IL1RAPL1: variants seen among roughly 807,000 people sequenced by gnomAD.
IL1RAPL1 encodes the protein interleukin-1 receptor accessory protein-like 1.
In IL1RAPL1, 3 loss-of-function variants were observed where a neutral mutation model predicts 48.4. The observed-to-expected ratio is 0.06, with a 90% CI of 0.03 to 0.16. The LOEUF (loss-of-function observed/expected upper bound fraction) is 0.16, where lower values mean the gene tolerates loss of function less well. IL1RAPL1 is among the 10% of genes least tolerant of loss of function. The probability of loss-of-function intolerance (pLI) is 1.00; values close to 1 mark genes in which losing one functional copy is unlikely to be tolerated. For missense variants in IL1RAPL1, 349 were observed against 530.6 expected, an observed-to-expected ratio of 0.66 and a Z score of 3.36; for synonymous variants, 185 against 187.7, an observed-to-expected ratio of 0.99 and a Z score of 0.12.
intron 5 of IL1RAPL1, among the ~76,000 whole-genome samples, chrX:29,509,662 T>TGCACACACACGCATGCGCCCACAC (rs1935372708): frequency 1.8e-5 from 2 of 108,537 alleles, no homozygotes; most frequent in African/African-American, 7.1e-5. Context: ...TGCACACACA[T>TGCACACACACGCATGCGCCCACAC]GCACACACAC....
At chrX:29,200,166 A>G (rs1930526819) in intron 2 of IL1RAPL1, among the ~76,000 whole-genome samples, 1 of 110,574 alleles carries the variant, frequency 9.0e-6, no homozygotes, top group African/African-American at 3.3e-5. Context: ...AAAAAAATCC[A>G]ACAGTCAAAA....
chrX:29,578,990 CTT>C (rs1922870905), intron 5 of IL1RAPL1, among the ~76,000 whole-genome samples: 1 of 111,781 alleles, frequency 8.9e-6, no homozygotes, highest in Non-Finnish European at 1.9e-5. Flanking sequence ...CAGGGACACT[CTT>C]TATTTCAGGA....
chrX:29,170,390 A>G (rs377078746), intron 2 of IL1RAPL1, among the ~76,000 whole-genome samples: 37 of 112,010 alleles, frequency 3.3e-4, no homozygotes, highest in Admixed American at 1.5e-3. Flanking sequence ...ACAGAGAATG[A>G]ACATGTCTTT....
intron 5 of IL1RAPL1, among the ~76,000 whole-genome samples, chrX:29,534,584 C>G (rs892799257): frequency 5.4e-5 from 6 of 111,432 alleles, no homozygotes; most frequent in Admixed American, 1.9e-4. Context: ...CCTATAATCC[C>G]AGCACTTTGG....
chrX:28,739,273 A>T (rs1357840876), intron 1 of IL1RAPL1, among the ~76,000 whole-genome samples: 1 of 111,354 alleles, frequency 9.0e-6, no homozygotes, highest in Non-Finnish European at 1.9e-5. Flanking sequence ...TATATTTTCC[A>T]TCATTATCAT....
intron 5 of IL1RAPL1, among the ~76,000 whole-genome samples, chrX:29,436,339 T>C: frequency 9.1e-6 from 1 of 110,036 alleles, no homozygotes; most frequent in East Asian, 2.8e-4. Flanking sequence ...ATGAGCCTCT[T>C]TCTACCATTT....
intron 1 of IL1RAPL1, among the ~76,000 whole-genome samples, chrX:28,624,445 CCTCTT>C (rs899673810): frequency 1.3e-4 from 15 of 111,871 alleles, no homozygotes; most frequent in Non-Finnish European, 2.8e-4. Context: ...AATCTTCACT[CCTCTT>C]CTATCCAACT....
At chrX:28,956,553 C>CTG (rs1457140411) in intron 2 of IL1RAPL1, among the ~76,000 whole-genome samples, 1 of 104,143 alleles carries the variant, frequency 9.6e-6, no homozygotes, top group African/African-American at 3.5e-5. Flanking sequence ...TGTTTATATG[C>CTG]TGGATTACAT....
intron 1 of IL1RAPL1, among the ~76,000 whole-genome samples, chrX:28,621,443 T>C (rs1183875585): frequency 8.9e-6 from 1 of 112,127 alleles, no homozygotes; most frequent in African/African-American, 3.2e-5. Context: ...TATGCCACAT[T>C]TGACATGGCA....
intron 5 of IL1RAPL1, among the ~76,000 whole-genome samples, chrX:29,406,866 A>G (rs1934079116): frequency 8.9e-6 from 1 of 112,043 alleles, no homozygotes; most frequent in Non-Finnish European, 1.9e-5. Flanking sequence ...TTACACTATA[A>G]TAACTTCTCT....
rs772833777 is a variant in IL1RAPL1, at chrX:29,878,193, A to G, written c.779-39271A>G. On this transcript the variant is annotated intron_variant, in intron 6 of 10. Transcript: ENST00000378993. ...AGGTGTGGGTTAAGAGGTCTCAGGGATGCCCTGTCTTATAAAGAGCTCTGC... is the reference window on the plus strand; with the variant it reads ...AGGTGTGGGTTAAGAGGTCTCAGGGGTGCCCTGTCTTATAAAGAGCTCTGC... Among the ~76,000 whole-genome samples the G allele has an allele frequency of 3.0e-3, 336 of 111,462 alleles. 1 individual carries two copies. Among genetic ancestry groups the G allele is most frequent in the Non-Finnish European group, 5.1e-3 (268 of 52,945 alleles).
chrX:29,196,406 G>T (rs1487991973), intron 2 of IL1RAPL1, among the ~76,000 whole-genome samples: 4 of 112,184 alleles, frequency 3.6e-5, no homozygotes, highest in African/African-American at 1.3e-4. Context: ...TTGCTATGTT[G>T]CTTTCCTACT....
intron 2 of IL1RAPL1, among the ~76,000 whole-genome samples, chrX:29,271,585 T>C (rs760603059): frequency 1.8e-5 from 2 of 112,264 alleles, no homozygotes; most frequent in South Asian, 3.7e-4. Context: ...TATCTCATTG[T>C]GGTTTTGATT....
At chrX:28,944,443 T>C (rs915254566) in intron 2 of IL1RAPL1, among the ~76,000 whole-genome samples, 2 of 111,295 alleles carry the variant, frequency 1.8e-5, no homozygotes, top group Non-Finnish European at 3.8e-5. Flanking sequence ...GTTTAAATGA[T>C]TTCACAATAC....
Position 29,941,803 on chromosome X carries a change from T to TTAC in IL1RAPL1, c.1201+10_1201+12dup. 1 of 1,197,979 alleles carries TTAC rather than the reference T, an allele frequency of 8.3e-7. No individual in the cohort carries two copies. The highest frequency in any genetic ancestry group is 1.1e-6 in the Non-Finnish European group (1 of 883,443). On this transcript the variant is annotated intron_variant, in intron 9 of 10. Coordinates refer to ENST00000378993, the MANE Select transcript of IL1RAPL1 (RefSeq NM_014271.4). Reference sequence around the variant, plus strand: ...TGAAGAGCTCGATGGAGGTAGGATGTTACCTCTTTTATTGTTCTTTCTGAA... The same window carrying TTAC: ...TGAAGAGCTCGATGGAGGTAGGATGTTACTACCTCTTTTATTGTTCTTTCTGAA...
chrX:29,692,201 A>T (rs184067086), intron 6 of IL1RAPL1, among the ~76,000 whole-genome samples: 3 of 112,337 alleles, frequency 2.7e-5, no homozygotes, highest in Non-Finnish European at 3.8e-5. Flanking sequence ...CCATGCCTCA[A>T]AATCACATGC....
intron 3 of IL1RAPL1, among the ~76,000 whole-genome samples, chrX:29,339,007 A>G (rs1412962334): frequency 9.2e-6 from 1 of 108,485 alleles, no homozygotes; most frequent in Non-Finnish European, 1.9e-5. Context: ...GATAAATAAT[A>G]TGTTCGGCCC....
At chrX:29,247,357 C>T (rs981881866) in intron 2 of IL1RAPL1, among the ~76,000 whole-genome samples, 1 of 110,997 alleles carries the variant, frequency 9.0e-6, no homozygotes, top group African/African-American at 3.3e-5. Context: ...ACAAATGATT[C>T]TGTGCTCATC....
chrX:28,961,009 CAAAAAAA>C (rs397947609), intron 2 of IL1RAPL1, among the ~76,000 whole-genome samples: 364 of 17,409 alleles, frequency 0.021, 1 homozygote, highest in Non-Finnish European at 0.031. Context: ...GACTCCGTCT[CAAAAAAA>C]AAAAAAAAAA....
Sources: allele counts gnomAD v4.1 joint callset (sites outside exome capture counted in the v4.1 genomes callset), GRCh38; gene constraint gnomAD v4.1.1; transcripts MANE v1.5; gene names NCBI Gene and HGNC (gene_info 2026-07-23, HGNC 2026-07-21).